Variants in WDFY4 observed in about 807,000 individuals in gnomAD.
WDFY4 encodes WDFY family member 4.
In WDFY4, 169 loss-of-function variants were observed where a neutral mutation model predicts 351.9. The ratio of observed to expected loss-of-function variants is 0.48; its 90% CI spans 0.42 to 0.55. The LOEUF (loss-of-function observed/expected upper bound fraction) is 0.55. Ranked by LOEUF, WDFY4 falls within the 20% of genes least tolerant of loss-of-function variation. The pLI is 0.00. For synonymous variants in WDFY4, 1,622 were observed against 1,574.6 expected, an observed-to-expected ratio of 1.03 and a Z score of -0.71; for missense variants, 3,803 against 3,935.6, an observed-to-expected ratio of 0.97 and a Z score of 0.90.
At chr10:48,705,797 C>G (rs942036681) in intron 1 of WDFY4, among the ~76,000 whole-genome samples, 1 of 152,234 alleles carries the variant, frequency 6.6e-6, no homozygotes, top group Non-Finnish European at 1.5e-5. Context: ...GATCCTTTCT[C>G]TGGATCTCCA....
intron 61 of WDFY4, among the ~76,000 whole-genome samples, chr10:48,981,757 A>G (rs1842815931): frequency 1.3e-5 from 2 of 152,150 alleles, no homozygotes; most frequent in African/African-American, 4.8e-5. Flanking sequence ...CAAGAGGTAT[A>G]AGTATATTGT....
chr10:48,876,191 C>T (rs2069998860), intron 42 of WDFY4, among the ~76,000 whole-genome samples: 1 of 152,222 alleles, frequency 6.6e-6, no homozygotes, highest in Non-Finnish European at 1.5e-5. Context: ...CTACACACCT[C>T]TCCCTGCATG....
At chr10:48,933,910 G>T (rs1210756321) in intron 47 of WDFY4, among the ~76,000 whole-genome samples, 1 of 152,136 alleles carries the variant, frequency 6.6e-6, no homozygotes, top group Non-Finnish European at 1.5e-5. Flanking sequence ...AACAGTGAGA[G>T]ACCATTGGAG....
At chr10:48,848,228 A>C (rs945075788) in intron 39 of WDFY4, among the ~76,000 whole-genome samples, 8 of 152,148 alleles carry the variant, frequency 5.3e-5, no homozygotes, top group Non-Finnish European at 2.9e-5. Context: ...GGGCTCACAT[A>C]AGGATAGTAT....
At chr10:48,768,490 C>G (rs1020772323) in intron 13 of WDFY4, among the ~76,000 whole-genome samples, 1 of 152,200 alleles carries the variant, frequency 6.6e-6, no homozygotes, top group African/African-American at 2.4e-5. Context: ...GCCCATTTTC[C>G]TCACCTGCCT....
intron 8 of WDFY4, 68 bp from the exon 9 acceptor site, chr10:48,731,042 G>A: frequency 7.0e-7 from 1 of 1,431,256 alleles, no homozygotes; most frequent in Non-Finnish European, 9.3e-7. Flanking sequence ...TCTTAGTAAT[G>A]AAAACATCTA....
chr10:48,753,004 C>T (rs1649761304), intron 12 of WDFY4, among the ~76,000 whole-genome samples: 1 of 152,172 alleles, frequency 6.6e-6, no homozygotes, highest in Non-Finnish European at 1.5e-5. Context: ...AAAAGGTTTT[C>T]AATTTCTCCA....
At chr10:48,932,718 A>G (rs1055485776) in intron 47 of WDFY4, 1 of 151,946 alleles carries the variant, frequency 6.6e-6, no homozygotes, top group African/African-American at 2.4e-5. Flanking sequence ...ATGCTCTGCA[A>G]ATAATAATAG....
At chr10:48,910,932 C>T in intron 47 of WDFY4, 3 of 984,428 alleles carry the variant, frequency 3.0e-6, no homozygotes, top group Non-Finnish European at 3.6e-6. Context: ...CTTTGCTGAA[C>T]CTTTTGAATA....
rs145755183 is a variant in WDFY4 at position 48,807,108 on chromosome 10, G to A, written c.4739-751G>A. ...AGATGGGACCAAAATCTGAATAGAC[G>A]GAAATATGACTCCATTTCCCCAGGT... On this transcript the variant is annotated intron_variant, in intron 27 of 61. Coordinates refer to ENST00000325239, the MANE Select transcript of WDFY4 (RefSeq NM_001394531.1). Among the ~76,000 whole-genome samples the A allele has an allele frequency of 3.6e-3, 549 of 152,284 alleles. 3 individuals are homozygous for A. The highest frequency in any genetic ancestry group is 0.012 in the African/African-American group (506 of 41,550).
At chr10:48,770,993 T>TC (rs929577181) in intron 13 of WDFY4, among the ~76,000 whole-genome samples, 4 of 152,080 alleles carry the variant, frequency 2.6e-5, no homozygotes, top group Non-Finnish European at 5.9e-5. Flanking sequence ...TTATCCCCCT[T>TC]CCCCCAGTGC....
intron 2 of WDFY4, among the ~76,000 whole-genome samples, chr10:48,713,379 A>G (rs1316526938): frequency 6.6e-6 from 1 of 152,182 alleles, no homozygotes; most frequent in Non-Finnish European, 1.5e-5. Flanking sequence ...GTTTTCTTCC[A>G]TATCTGACTC....
chr10:48,737,506 G>A (rs1295392140), intron 11 of WDFY4, among the ~76,000 whole-genome samples: 2 of 152,190 alleles, frequency 1.3e-5, no homozygotes, highest in Non-Finnish European at 2.9e-5. Flanking sequence ...CACATTCGAT[G>A]TCAGACATTG....
rs770229338 is a variant in WDFY4 at position 48,743,210 on chromosome 10, C to G, written c.2121C>G (p.Leu707=). The change falls in exon 12 of 62, where the codon CTC becomes CTG. Residue 707 remains leucine, a synonymous_variant. Coordinates refer to ENST00000325239, the MANE Select transcript of WDFY4 (RefSeq NM_001394531.1). ...VNGYFFRRNG[L]FEKLAEDLCL... ...GCTACTTCTTCAGGAGGAATGGGCT[C>G]TTTGAGAAGCTGGCCGAGGACCTCT... 3.6e-5 allele frequency: 56 copies of G among 1,551,600 alleles called. No individual in the cohort carries two copies. The highest frequency in any genetic ancestry group is 4.7e-5 in the Non-Finnish European group (54 of 1,147,010).
At chr10:48,892,034 C>T (rs1836828829) in intron 44 of WDFY4, among the ~76,000 whole-genome samples, 1 of 152,164 alleles carries the variant, frequency 6.6e-6, no homozygotes, top group Non-Finnish European at 1.5e-5. Flanking sequence ...TTCTCCAAGG[C>T]AGGAGAAGCA....
chr10:48,799,495 G>A (rs535899940), intron 24 of WDFY4, among the ~76,000 whole-genome samples: 17 of 152,268 alleles, frequency 1.1e-4, no homozygotes, highest in Admixed American at 9.8e-4. Context: ...AAGGAGAAAC[G>A]GCCGGGCTTG....
chr10:48,820,418 C>A lies in WDFY4; in HGVS notation c.5690C>A (p.Pro1897His). 6.4e-7 allele frequency: 1 copy of A among 1,551,238 alleles called. No homozygotes were observed. The highest frequency in any genetic ancestry group is 8.7e-7 in the Non-Finnish European group (1 of 1,146,802). The change falls in exon 33 of 62, where the codon CCC (proline) becomes CAC (histidine). Residue 1897 changes from proline (P) to histidine (H), a missense_variant. This residue lies in a region of WDFY4 where 3,054 missense variants were observed against 3,148.6 expected (regional missense o/e 0.97). Coordinates refer to ENST00000325239, the MANE Select transcript of WDFY4 (RefSeq NM_001394531.1). The stretch of plus-strand genomic sequence containing the variant: ...GCCTCCAGCCCCAAGCAGTGGCTGC[C>A]CCTGGAGGTGCTCCTGGAGGTGGGT... Reference protein sequence around the residue: ...LGASSPKQWLPLEVLLEASPD... With the variant: ...LGASSPKQWLHLEVLLEASPD...
chr10:48,906,988 A>G (rs1003670558), intron 47 of WDFY4, among the ~76,000 whole-genome samples: 1 of 152,180 alleles, frequency 6.6e-6, no homozygotes, highest in Non-Finnish European at 1.5e-5. Context: ...CTGAATATCA[A>G]ATTTGGTTCT....
intron 13 of WDFY4, among the ~76,000 whole-genome samples, chr10:48,763,210 A>G (rs528338872): frequency 1.1e-4 from 17 of 152,356 alleles, no homozygotes; most frequent in African/African-American, 3.8e-4. Flanking sequence ...TTTGAAGTCC[A>G]TGAGATGCTT....
Sources: gnomAD v4.1 joint callset for allele counts (sites outside exome capture counted in the v4.1 genomes callset) on GRCh38, gnomAD v4.1.1 for gene constraint, gnomAD v4.1.1 regional missense constraint, MANE v1.5 for transcripts, NCBI Gene and HGNC (gene_info 2026-07-23, HGNC 2026-07-21) for gene names.